WDPCP: variants seen among roughly 807,000 people sequenced by gnomAD.
WDPCP encodes WD repeat-containing and planar cell polarity effector protein fritz homolog.
A neutral mutation model predicts 93.1 loss-of-function variants in WDPCP; 71 were observed. The observed-to-expected ratio is 0.76, with a 90% CI of 0.63 to 0.93. The LOEUF (loss-of-function observed/expected upper bound fraction) is 0.93, where lower values mean the gene tolerates loss of function less well. Among genes scored for constraint, WDPCP ranks in the 40% least tolerant of loss-of-function variants. WDPCP has a pLI of 0.00. For synonymous variants in WDPCP, 315 were observed against 315.0 expected (o/e 1.00, Z 0.00); for missense variants, 844 against 887.4 (o/e 0.95, Z 0.62).
intron 2 of WDPCP, among the ~76,000 whole-genome samples, chr2:63,756,008 G>T (rs897041508): frequency 6.6e-6 from 1 of 152,156 alleles, no homozygotes; most frequent in Non-Finnish European, 1.5e-5. Flanking sequence ...TGAACCAAAA[G>T]ATTTTTTAAT....
chr2:63,175,579 T>G (rs945256498), intron 14 of WDPCP, among the ~76,000 whole-genome samples: 8 of 152,202 alleles, frequency 5.3e-5, no homozygotes, highest in African/African-American at 1.7e-4. Flanking sequence ...CTGCACCCAT[T>G]GTACAATTCC....
At chr2:63,289,033 C>T (rs4671475) in intron 13 of WDPCP, among the ~76,000 whole-genome samples, 121,865 of 152,064 alleles carry the variant, frequency 0.8, 49,695 homozygotes, top group East Asian at 0.96. Flanking sequence ...CCATTATTGA[C>T]GATATAAATA....
Position 63,821,530 on chromosome 2 carries a change from T to C in WDPCP, n.222+6092A>G, listed in dbSNP as rs532205611. The stretch of plus-strand genomic sequence containing the variant: ...TCATCTAAGGAGTTTTGATTTTACC[T>C]GTAGGTGGCTGGGAGACGTGGAAGC... On this transcript the variant is annotated intron_variant and non_coding_transcript_variant, in intron 1 of 4. Coordinates refer to the WDPCP transcript ENST00000467687. 1.4e-3 allele frequency among the ~76,000 whole-genome samples: 214 copies of C among 152,272 alleles called. 2 individuals are homozygous for C. The highest frequency in any genetic ancestry group is 5.0e-3 in the African/African-American group (208 of 41,558).
chr2:63,288,770 T>A (rs1248259828), intron 13 of WDPCP, among the ~76,000 whole-genome samples: 1 of 152,278 alleles, frequency 6.6e-6, no homozygotes, highest in South Asian at 2.1e-4. Flanking sequence ...ATCACAAATA[T>A]CCATTTCTTG....
At chr2:63,347,008 T>A (rs1024142413) in intron 12 of WDPCP, among the ~76,000 whole-genome samples, 1 of 152,210 alleles carries the variant, frequency 6.6e-6, no homozygotes, top group Non-Finnish European at 1.5e-5. Flanking sequence ...TGTTTCCAAA[T>A]AATTATCATA....
At chr2:63,338,610 A>C (rs1688624437) in intron 12 of WDPCP, among the ~76,000 whole-genome samples, 1 of 133,914 alleles carries the variant, frequency 7.5e-6, no homozygotes, top group African/African-American at 2.7e-5. Context: ...ATATATATAT[A>C]TATATATGGA....
At chr2:63,633,142 G>A (rs150792850) in intron 3 of WDPCP, among the ~76,000 whole-genome samples, 4 of 152,168 alleles carry the variant, frequency 2.6e-5, no homozygotes, top group African/African-American at 9.7e-5. Flanking sequence ...CTTCAGCAAT[G>A]AATGAGAGAG....
At chr2:63,831,880 G>C (rs953503064), upstream of WDPCP, among the ~76,000 whole-genome samples, 3 of 152,180 alleles carry the variant, frequency 2.0e-5, no homozygotes, top group Non-Finnish European at 4.4e-5. Flanking sequence ...GAAGGATTTG[G>C]AGAATACAGT....
chr2:63,738,788 C>A (rs1669674248), intron 2 of WDPCP, among the ~76,000 whole-genome samples: 1 of 151,958 alleles, frequency 6.6e-6, no homozygotes, highest in Admixed American at 6.5e-5. Context: ...ATGTACAGAT[C>A]ATTGAATTTT....
At chr2:63,208,309 T>C (rs971519787) in intron 14 of WDPCP, among the ~76,000 whole-genome samples, 4 of 152,204 alleles carry the variant, frequency 2.6e-5, no homozygotes, top group African/African-American at 9.6e-5. Context: ...AACTGCCTTT[T>C]CTGTACCTTT....
intron 2 of WDPCP, among the ~76,000 whole-genome samples, chr2:63,742,408 A>G (rs1669737924): frequency 6.6e-6 from 1 of 151,786 alleles, no homozygotes; most frequent in Non-Finnish European, 1.5e-5. Context: ...ACCCAACATT[A>G]TAGGGAGACT....
intron 2 of WDPCP, among the ~76,000 whole-genome samples, chr2:63,787,668 T>G (rs1443330374): frequency 6.6e-6 from 1 of 152,166 alleles, no homozygotes; most frequent in Non-Finnish European, 1.5e-5. Context: ...ATAATCCACT[T>G]TCTGTCAATT....
intron 2 of WDPCP, among the ~76,000 whole-genome samples, chr2:63,764,389 T>C (rs988620000): frequency 2.0e-5 from 3 of 152,152 alleles, no homozygotes; most frequent in Non-Finnish European, 4.4e-5. Context: ...ATGCTGAACA[T>C]ATGGGCATGG....
At chr2:63,297,171 T>A (rs938691126) in intron 13 of WDPCP, among the ~76,000 whole-genome samples, 1 of 152,038 alleles carries the variant, frequency 6.6e-6, no homozygotes, top group African/African-American at 2.4e-5. Context: ...AGGTGGTGAG[T>A]TGGACAGGAG....
At chr2:63,309,982 G>T (rs1163813842) in intron 13 of WDPCP, among the ~76,000 whole-genome samples, 2 of 152,116 alleles carry the variant, frequency 1.3e-5, no homozygotes, top group Admixed American at 6.6e-5. Flanking sequence ...GAGACTACTT[G>T]TTTTTAAACA....
chr2:63,126,771 C>T (rs1422590890), intron 17 of WDPCP, among the ~76,000 whole-genome samples: 1 of 146,214 alleles, frequency 6.8e-6, no homozygotes, highest in Non-Finnish European at 1.5e-5. Flanking sequence ...CTCAAACTTT[C>T]GGGCTCAGGT....
intron 13 of WDPCP, among the ~76,000 whole-genome samples, chr2:63,273,115 T>C (rs1682786433): frequency 6.6e-6 from 1 of 152,074 alleles, no homozygotes; most frequent in African/African-American, 2.4e-5. Context: ...AAAAAACATG[T>C]CAGCCAAGAG....
chr2:63,334,306 G>A (rs563743047), intron 12 of WDPCP, among the ~76,000 whole-genome samples: 4 of 152,236 alleles, frequency 2.6e-5, no homozygotes, highest in East Asian at 1.9e-4. Context: ...TTGAGGATGC[G>A]TGCCTGTAAC....
rs542294210 is a variant in WDPCP, at chr2:63,382,218, G to A, written c.1436-124C>T. On this transcript the variant is annotated intron_variant, in intron 10 of 17. Transcript: ENST00000272321. ...CATTAAGTGCTAGAAATGTGGGACTGATCTCCTTCTCAACTAATATTTGCT... is the reference window on the plus strand; with the variant it reads ...CATTAAGTGCTAGAAATGTGGGACTAATCTCCTTCTCAACTAATATTTGCT... The A allele has an allele frequency of 8.5e-5, 75 of 880,398 alleles. No individual in the cohort carries two copies. In the South Asian group the frequency reaches 1.1e-3, roughly 13 times the overall value. 54.5% of individuals were successfully genotyped at this position (880,398 alleles called of 1,614,324 possible). A position where few individuals can be genotyped will look rare whatever the true frequency, so the allele number is the denominator to read the frequency against.
Sources: allele counts gnomAD v4.1 joint callset (sites outside exome capture counted in the v4.1 genomes callset), GRCh38; gene constraint gnomAD v4.1.1; transcripts MANE v1.5; gene names NCBI Gene and HGNC (gene_info 2026-07-23, HGNC 2026-07-21).